Variants in GYPC observed in about 807,000 individuals in gnomAD.
The protein encoded by GYPC is glycophorin-C.
In GYPC, 14 loss-of-function variants were observed where a neutral mutation model predicts 12.6. That is an observed-to-expected ratio of 1.11 (90% CI 0.74 to 1.74). The LOEUF (loss-of-function observed/expected upper bound fraction) is 1.74, where lower values mean the gene tolerates loss of function less well. Among genes scored for constraint, GYPC ranks in the 40% most tolerant of loss-of-function variants. The pLI, the probability that GYPC is intolerant of heterozygous loss-of-function variation, is 0.00. For missense variants in GYPC, 225 were observed against 172.1 expected, an observed-to-expected ratio of 1.31 and a Z score of -1.72; for synonymous variants, 78 against 62.1, an observed-to-expected ratio of 1.26 and a Z score of -1.20.
chr2:126,674,606 A>G (rs539761913), intron 1 of GYPC, among the ~76,000 whole-genome samples: 9 of 152,274 alleles, frequency 5.9e-5, no homozygotes, highest in African/African-American at 2.2e-4. Context: ...GGCAGACTCT[A>G]CTGCTCCCAT....
chr2:126,673,231 T>C (rs1682901285), intron 1 of GYPC, among the ~76,000 whole-genome samples: 1 of 152,116 alleles, frequency 6.6e-6, no homozygotes, highest in African/African-American at 2.4e-5. Flanking sequence ...ATCCAGTTGC[T>C]CCGGAAGAGA....
chr2:126,680,304 C>T (rs28387166), intron 1 of GYPC: 10,489 of 152,026 alleles, frequency 0.069, 453 homozygotes, highest in Non-Finnish European at 0.1. Context: ...AAAGATGAGG[C>T]CAAGAGGGGA....
chr2:126,662,713 C>T (rs947601976), intron 1 of GYPC, among the ~76,000 whole-genome samples: 7 of 152,190 alleles, frequency 4.6e-5, no homozygotes, highest in African/African-American at 1.4e-4. Flanking sequence ...CTGAACCTGT[C>T]AATGGAGCTA....
At chr2:126,658,111 A>C (rs1256610965) in intron 1 of GYPC, 1 of 152,246 alleles carries the variant, frequency 6.6e-6, no homozygotes, top group Non-Finnish European at 1.5e-5. Context: ...CTTGGATGGA[A>C]GGGGTCAAGG....
chr2:126,687,710 T>C (rs1350845379), intron 1 of GYPC, among the ~76,000 whole-genome samples: 1 of 152,194 alleles, frequency 6.6e-6, no homozygotes, highest in Non-Finnish European at 1.5e-5. Context: ...GGAGCCCACA[T>C]TGGGAGGCCC....
chr2:126,678,035 C>T (rs531427701), intron 1 of GYPC, among the ~76,000 whole-genome samples: 8 of 152,198 alleles, frequency 5.3e-5, no homozygotes, highest in African/African-American at 1.2e-4. Flanking sequence ...TCCTGGCTAA[C>T]ACGGTGAAAC....
intron 1 of GYPC, among the ~76,000 whole-genome samples, chr2:126,678,045 C>A (rs147654209): frequency 0.011 from 1,691 of 152,238 alleles, 22 homozygotes; most frequent in African/African-American, 0.032. Flanking sequence ...CACGGTGAAA[C>A]CCCTTCTCTA....
At chr2:126,659,253 G>C (rs190309870) in intron 1 of GYPC, among the ~76,000 whole-genome samples, 1 of 152,132 alleles carries the variant, frequency 6.6e-6, no homozygotes, top group African/African-American at 2.4e-5. Flanking sequence ...ATTACTTTTC[G>C]GGGAAGTGTC....
At chr2:126,658,353 G>A (rs559302739) in intron 1 of GYPC, 1 of 152,394 alleles carries the variant, frequency 6.6e-6, no homozygotes, top group Middle Eastern at 3.4e-3. Flanking sequence ...TCCCTGGGGA[G>A]CAAAGGGTTG....
chr2:126,685,821 A>G lies in GYPC; in HGVS notation c.50-4434A>G, dbSNP rs551347770. On this transcript the variant is annotated intron_variant, in intron 1 of 3. Transcript: ENST00000259254. ...ATCACTGTCATCAACAAGGTTTGTC[A>G]TTGCAGGAAGTCTCCAAGGACCCCC... The G allele has an allele frequency of 1.6e-4, 160 of 985,284 alleles. No homozygotes were observed. The African/African-American group carries it at 2.6e-3, about 16-fold the overall frequency. The allele number at this position is 985,284 out of a possible 1,614,324, so 61.0% of individuals were successfully genotyped here.
At chr2:126,676,800 C>T (rs751543882) in intron 1 of GYPC, among the ~76,000 whole-genome samples, 7 of 152,204 alleles carry the variant, frequency 4.6e-5, no homozygotes, top group Non-Finnish European at 1.5e-5. Context: ...GGCTTTTTCT[C>T]CCTAAGCACA....
chr2:126,662,940 G>A (rs1682571825), intron 1 of GYPC, among the ~76,000 whole-genome samples: 2 of 152,208 alleles, frequency 1.3e-5, no homozygotes, highest in African/African-American at 4.8e-5. Flanking sequence ...GCCACTGAAA[G>A]TCATACCCAA....
intron 3 of GYPC, 108 bp downstream of exon 3, chr2:126,694,055 T>A: frequency 1.3e-6 from 1 of 784,432 alleles, no homozygotes; most frequent in South Asian, 1.4e-5. Flanking sequence ...CTGTGGCCAT[T>A]TTTTCTCTCC....
At chr2:126,671,984 A>G (rs757913350) in intron 1 of GYPC, among the ~76,000 whole-genome samples, 1 of 152,206 alleles carries the variant, frequency 6.6e-6, no homozygotes, top group Non-Finnish European at 1.5e-5. Flanking sequence ...TGAGAGAAGC[A>G]TGACAGGCAG....
intron 1 of GYPC, among the ~76,000 whole-genome samples, chr2:126,676,227 G>A (rs547565627): frequency 6.6e-6 from 1 of 152,216 alleles, no homozygotes; most frequent in Non-Finnish European, 1.5e-5. Context: ...TCTGACAGAA[G>A]AGTAGATTGT....
At chr2:126,695,522 G>C (rs1483487469) in intron 3 of GYPC, among the ~76,000 whole-genome samples, 1 of 152,192 alleles carries the variant, frequency 6.6e-6, no homozygotes, top group Non-Finnish European at 1.5e-5. Context: ...CAACTTATGA[G>C]TTCTTGAGTT....
chr2:126,696,222 T>A lies in GYPC; in HGVS notation c.*80T>A, dbSNP rs1238403912. On this transcript the variant is annotated 3_prime_UTR_variant, in exon 4 of 4. Transcript: ENST00000259254. The stretch of plus-strand genomic sequence containing the variant: ...ACACCCCATCGCCCAGCACCCCTGC[T>A]GATACCACCAGACAGAGAGAGAGAG... The A allele has an allele frequency of 3.0e-6, 3 of 993,602 alleles. No homozygotes were observed. In the South Asian group the frequency reaches 4.1e-5, roughly 13 times the overall value. The allele number at this position is 993,602 out of a possible 1,614,324, so 61.5% of individuals were successfully genotyped here.
rs772607293 is a variant in GYPC at position 126,695,936 on chromosome 2, C to T, written c.191-10C>T. ...CTCAGACTGACCCTTGCACCTCTTC[C>T]CACCTGCAGGTGTGATTGCTGCTGT... On this transcript the variant is annotated splice_polypyrimidine_tract_variant and intron_variant, in intron 3 of 3. Coordinates refer to ENST00000259254, the MANE Select transcript of GYPC (RefSeq NM_002101.5). The T allele has an allele frequency of 4.3e-5, 70 of 1,612,428 alleles. No individual in the cohort carries two copies. The highest frequency in any genetic ancestry group is 4.6e-5 in the Non-Finnish European group (54 of 1,178,794).
chr2:126,685,828 G>GA, intron 1 of GYPC: 1 of 985,166 alleles, frequency 1.0e-6, no homozygotes, highest in South Asian at 4.7e-5. Flanking sequence ...GTCATTGCAG[G>GA]AAGTCTCCAA....
Sources: gnomAD v4.1 joint callset for allele counts (sites outside exome capture counted in the v4.1 genomes callset) on GRCh38, gnomAD v4.1.1 for gene constraint, MANE v1.5 for transcripts, NCBI Gene and HGNC (gene_info 2026-07-23, HGNC 2026-07-21) for gene names.